MAP1B: variants seen among roughly 807,000 people sequenced by gnomAD.
The protein encoded by MAP1B is microtubule associated protein 1B.
Under a neutral mutation model 176.1 loss-of-function variants are expected in MAP1B, and 12 were observed. The observed-to-expected ratio is 0.07, with a 90% CI of 0.04 to 0.11. The LOEUF (loss-of-function observed/expected upper bound fraction) is 0.11, where lower values mean the gene tolerates loss of function less well. Among genes scored for constraint, MAP1B ranks in the 10% least tolerant of loss-of-function variants. The pLI is 1.00. For missense variants in MAP1B, 2,523 were observed against 2,990.5 expected (o/e 0.84, Z 3.65); for synonymous variants, 1,044 against 1,135.0 (o/e 0.92, Z 1.61).
intron 2 of MAP1B, among the ~76,000 whole-genome samples, chr5:72,180,963 C>T (rs1242349139): frequency 2.6e-5 from 4 of 152,116 alleles, no homozygotes; most frequent in Non-Finnish European, 5.9e-5. Context: ...TCCAGGTGAC[C>T]CGGGTCCAAA....
Position 72,203,634 on chromosome 5 carries a change from T to C in MAP1B, c.7084T>C (p.Tyr2362His). 6.2e-7 allele frequency: 1 copy of C among 1,614,224 alleles called. No homozygotes were observed. Among genetic ancestry groups the C allele is most frequent in the South Asian group, 1.1e-5 (1 of 91,080 alleles). ...PGLPVYLDLC[Y>H]IPNHSNSKNV... ...CCTCCCTGTGTATTTGGACCTGTGC[T>C]ACATTCCTAACCACAGCAATAGTAA... The change falls in exon 6 of 7, where the codon TAC (tyrosine) becomes CAC (histidine). Residue 2362 changes from tyrosine (Y) to histidine (H), a missense_variant. Around this residue, in one of 4 missense-constraint regions of MAP1B, gnomAD observed 287 missense variants for 401.5 expected, o/e 0.71. Transcript: ENST00000296755.
intron 5 of MAP1B, among the ~76,000 whole-genome samples, chr5:72,201,765 G>C (rs532036068): frequency 6.6e-6 from 1 of 152,156 alleles, no homozygotes; most frequent in Admixed American, 6.5e-5. Flanking sequence ...TGTTAAAACT[G>C]CAAATTTTTA....
chr5:72,177,752 C>T (rs537879073), intron 2 of MAP1B, among the ~76,000 whole-genome samples: 5 of 152,174 alleles, frequency 3.3e-5, no homozygotes, highest in Admixed American at 6.5e-5. Flanking sequence ...ATTCTTAGTT[C>T]CTGTACCAAG....
intron 1 of MAP1B, among the ~76,000 whole-genome samples, chr5:72,108,350 G>C (rs1015704464): frequency 6.6e-6 from 1 of 151,052 alleles, no homozygotes; most frequent in Non-Finnish European, 1.5e-5. Context: ...CCACCAGACA[G>C]AGCCCGCCTC....
chr5:72,207,501 T>C lies in MAP1B; in HGVS notation c.*2262T>C, dbSNP rs1038187028. On this transcript the variant is annotated 3_prime_UTR_variant, in exon 7 of 7. Transcript: ENST00000296755. ...TGTTTAATTTTTTAAAGAAAATTAA[T>C]ATTCTATTTTTGTTAGGCTTCTCTA... 6 of 152,232 alleles carry C rather than the reference T, an allele frequency of 3.9e-5. No homozygotes were observed. Among genetic ancestry groups the C allele is most frequent in the Non-Finnish European group, 8.8e-5 (6 of 68,038 alleles). The allele number at this position is 152,232 out of a possible 1,614,324, so 9.4% of individuals were successfully genotyped here.
At position 72,107,526 on chromosome 5, in the gene MAP1B, G is replaced by C; in HGVS notation, c.-6G>C. On this transcript the variant is annotated 5_prime_UTR_variant, in exon 1 of 7. Transcript: ENST00000296755. ...GACACTTCGCCGAGGCACAGCAGCC[G>C]GCAGGATGGCGACCGTGGTGGTGGA... 1.3e-6 allele frequency: 2 copies of C among 1,557,140 alleles called. No homozygotes were observed. Among genetic ancestry groups the C allele is most frequent in the Non-Finnish European group, 1.7e-6 (2 of 1,155,536 alleles).
At chr5:72,181,399 C>T (rs1193978490) in intron 2 of MAP1B, among the ~76,000 whole-genome samples, 1 of 152,056 alleles carries the variant, frequency 6.6e-6, no homozygotes. Flanking sequence ...GCATACCATA[C>T]AATTTACCCA....
Position 72,196,768 on chromosome 5 carries a change from C to T in MAP1B, c.3413C>T (p.Thr1138Ile). ...CCCACCCCCATGGATGAGATGTCTA[C>T]CCCTCGAGACGTGATGAGTGATGAG... ...SEPTPMDEMS[T>I]PRDVMSDETN... Residue 1138 changes from threonine (T) to isoleucine (I), a missense_variant, in exon 5 of 7, where the codon ACC (threonine) becomes ATC (isoleucine). This residue lies in a region of MAP1B where 1,925 missense variants were observed against 2,126.0 expected (regional missense o/e 0.91). Transcript: ENST00000296755. The surrounding 1 kb of genome is among the most constrained non-coding windows in gnomAD (Gnocchi z 5.3). 1 of 1,614,158 alleles carries T rather than the reference C, an allele frequency of 6.2e-7. No individual in the cohort carries two copies. The highest frequency in any genetic ancestry group is 8.5e-7 in the Non-Finnish European group (1 of 1,180,022).
chr5:72,113,742 A>C (rs3101186), intron 1 of MAP1B, among the ~76,000 whole-genome samples: 134,412 of 152,302 alleles, frequency 0.88, 59,640 homozygotes, highest in African/African-American at 0.97. Flanking sequence ...ACCTGGAACA[A>C]GGAGAATTCA....
intron 2 of MAP1B, among the ~76,000 whole-genome samples, chr5:72,145,191 A>G (rs1041184516): frequency 2.6e-5 from 4 of 152,226 alleles, no homozygotes; most frequent in African/African-American, 9.6e-5. Context: ...TAGAAACCCT[A>G]GTGGAAAATG....
Position 72,205,654 on chromosome 5 carries a change from GA to G in MAP1B, c.*417del. The G allele has an allele frequency of 6.2e-6, 1 of 160,098 alleles. No individual in the cohort carries two copies. The highest frequency in any genetic ancestry group is 1.4e-5 in the Non-Finnish European group (1 of 72,536). 9.9% of individuals were successfully genotyped at this position (160,098 alleles called of 1,614,324 possible). A position where few individuals can be genotyped will look rare whatever the true frequency, so the allele number is the denominator to read the frequency against. ...AATGAGAAAGAAAAGGAATGCAAGA[GA>G]AGGAGATGTAATGACAGAGAGTTCT... On this transcript the variant is annotated 3_prime_UTR_variant, in exon 7 of 7. Transcript: ENST00000296755.
At chr5:72,201,493 C>A (rs912852721) in intron 5 of MAP1B, among the ~76,000 whole-genome samples, 4 of 152,222 alleles carry the variant, frequency 2.6e-5, no homozygotes, top group African/African-American at 9.6e-5. Context: ...TCAGCAATGA[C>A]CTGGGCTTTT....
At chr5:72,145,076 A>G (rs1187553101) in intron 2 of MAP1B, among the ~76,000 whole-genome samples, 2 of 152,164 alleles carry the variant, frequency 1.3e-5, no homozygotes, top group Admixed American at 1.3e-4. Context: ...TCTGGGACAA[A>G]TTCCCTTCTC....
chr5:72,178,294 T>C (rs934189049), intron 2 of MAP1B, among the ~76,000 whole-genome samples: 3 of 152,234 alleles, frequency 2.0e-5, no homozygotes, highest in Non-Finnish European at 2.9e-5. Context: ...TGAGCCACCG[T>C]GCCTGGCCTG....
rs1747402471 is a variant in MAP1B, at chr5:72,204,564, T to C, written c.7252-520T>C. ...AGGCACCCAGTGGCTCCCTACTGAA[T>C]GCTAGATGGAATTTATACTATTCAG... is the stretch of plus-strand genomic sequence containing the variant. On this transcript the variant is annotated intron_variant, in intron 6 of 6. Coordinates refer to ENST00000296755, the MANE Select transcript of MAP1B (RefSeq NM_005909.5). This position sits in a 1 kb window ranked among gnomAD's most constrained non-coding sequence, Gnocchi z 4.4. Among the ~76,000 whole-genome samples, 1 of 152,186 alleles carries C rather than the reference T, an allele frequency of 6.6e-6. No homozygotes were observed. The highest frequency in any genetic ancestry group is 1.5e-5 in the Non-Finnish European group (1 of 68,028).
At chr5:72,180,106 G>C (rs1423662138) in intron 2 of MAP1B, among the ~76,000 whole-genome samples, 8 of 152,152 alleles carry the variant, frequency 5.3e-5, no homozygotes, top group African/African-American at 1.9e-4. Context: ...CATGGGTGTT[G>C]AAGGGTGCAG....
Position 72,197,403 on chromosome 5 carries a change from A to G in MAP1B, c.4048A>G (p.Thr1350Ala), listed in dbSNP as rs761668626. The change falls in exon 5 of 7, where the codon ACA becomes GCA. Residue 1350 changes from threonine (T) to alanine (A), a missense_variant. Around this residue, in one of 4 missense-constraint regions of MAP1B, gnomAD observed 1,925 missense variants for 2,126.0 expected, o/e 0.91. Transcript: ENST00000296755. The stretch of plus-strand genomic sequence containing the variant: ...TGACGAGAAATCCAGTCATCTCCCT[A>G]CAGAAGTCATTGAAAAACCACCAGC... ...PTDEKSSHLPTEVIEKPPAVP... is the reference protein window; with the variant it reads ...PTDEKSSHLPAEVIEKPPAVP... 6.8e-6 allele frequency: 11 copies of G among 1,614,152 alleles called. 1 individual carries two copies. In the South Asian group the frequency reaches 1.1e-4, roughly 16 times the overall value.
chr5:72,182,781 T>C (rs1020487530), intron 2 of MAP1B, among the ~76,000 whole-genome samples: 2 of 152,204 alleles, frequency 1.3e-5, no homozygotes, highest in Non-Finnish European at 2.9e-5. Context: ...CATGTTTGTG[T>C]CTACCCTCCC....
chr5:72,157,697 T>C (rs1286616821), intron 2 of MAP1B, among the ~76,000 whole-genome samples: 1 of 152,210 alleles, frequency 6.6e-6, no homozygotes, highest in Non-Finnish European at 1.5e-5. Context: ...ACCTTCCTGA[T>C]AAGTTTCCCC....
Sources: allele counts gnomAD v4.1 joint callset (sites outside exome capture counted in the v4.1 genomes callset), GRCh38; gene constraint gnomAD v4.1.1; regional missense constraint gnomAD v4.1.1; non-coding constraint Gnocchi (gnomAD v3.1); transcripts MANE v1.5; gene names NCBI Gene and HGNC (gene_info 2026-07-23, HGNC 2026-07-21).